Variants in AAK1 observed in about 807,000 individuals in gnomAD.
AAK1 encodes AP2-associated protein kinase 1.
Under a neutral mutation model 116.0 loss-of-function variants are expected in AAK1, and 37 were observed. The observed-to-expected ratio is 0.32, with a 90% confidence interval of 0.25 to 0.42. The LOEUF is 0.42. Among genes scored for constraint, AAK1 ranks in the 10% least tolerant of loss-of-function variants. AAK1 has a pLI of 1.00. For synonymous variants in AAK1, 458 were observed against 439.9 expected, an observed-to-expected ratio of 1.04 and a Z score of -0.51; for missense variants, 919 against 1,170.6, an observed-to-expected ratio of 0.79 and a Z score of 3.14.
intron 18 of AAK1, chr2:69,481,775 A>T (rs1306027793): frequency 6.6e-6 from 1 of 152,162 alleles, no homozygotes; most frequent in Non-Finnish European, 1.5e-5. Flanking sequence ...ATGTTTTCTC[A>T]GTTACTGATA....
Position 69,472,306 on chromosome 2 carries a change from A to C in AAK1, c.*3563T>G, listed in dbSNP as rs1674706282. 2.8e-6 allele frequency: 1 copy of C among 361,004 alleles called. No homozygotes were observed. Among genetic ancestry groups the C allele is most frequent in the South Asian group, 1.1e-4 (1 of 8,826 alleles). The allele number at this position is 361,004 out of a possible 1,614,324, so 22.4% of individuals were successfully genotyped here. ...ACTCAGAACCAAGAGTAGTAGAAAA[A>C]GTAGACAAAGAAAGAATATACTTCC... is the stretch of plus-strand genomic sequence containing the variant. On this transcript the variant is annotated 3_prime_UTR_variant, in exon 22 of 22. Coordinates refer to ENST00000409085, the MANE Select transcript of AAK1 (RefSeq NM_014911.5).
intron 2 of AAK1, among the ~76,000 whole-genome samples, chr2:69,628,579 A>T (rs1675018070): frequency 6.6e-6 from 1 of 152,198 alleles, no homozygotes; most frequent in Admixed American, 6.5e-5. Context: ...GCAGGATTTG[A>T]TGGTAGACTT....
chr2:69,585,397 C>T (rs1325225058), intron 2 of AAK1, among the ~76,000 whole-genome samples: 1 of 152,120 alleles, frequency 6.6e-6, no homozygotes, highest in Non-Finnish European at 1.5e-5. Context: ...CATGTCCCCA[C>T]ACCACCCCAA....
In AAK1 at chr2:69,515,739, T is replaced by C. The variant is rs75410455; in HGVS notation, c.1498-990A>G. On this transcript the variant is annotated intron_variant, in intron 12 of 21. Transcript: ENST00000409085. ...ATGAACTAAGGTCAACACTGTATCT[T>C]TGAACATCCCGTATACTTTACGTAG... Among the ~76,000 whole-genome samples, 1,187 of 152,270 alleles carry C rather than the reference T, an allele frequency of 7.8e-3. 15 individuals are homozygous for C. Among genetic ancestry groups the C allele is most frequent in the African/African-American group, 0.027 (1,139 of 41,538 alleles).
At chr2:69,491,635 C>A (rs1675526708) in intron 17 of AAK1, among the ~76,000 whole-genome samples, 1 of 152,128 alleles carries the variant, frequency 6.6e-6, no homozygotes, top group Admixed American at 6.5e-5. Flanking sequence ...AGAAAAATAT[C>A]ATTTTATGAT....
At chr2:69,590,311 T>A (rs1672976358) in intron 2 of AAK1, among the ~76,000 whole-genome samples, 1 of 152,246 alleles carries the variant, frequency 6.6e-6, no homozygotes. Context: ...ACAAAGCCCT[T>A]TCCGTAGCAG....
rs1226927235 is a variant in AAK1, at chr2:69,466,188, C to G, written c.*9681G>C. On this transcript the variant is annotated 3_prime_UTR_variant, in exon 22 of 22. Coordinates refer to ENST00000409085, the MANE Select transcript of AAK1 (RefSeq NM_014911.5). ...GGCTTGAAACTGGTTCTTTCTTCCA[C>G]CTTGCACTGTCTTTGCTTGCTCAGG... 2 of 1,289,774 alleles carry G rather than the reference C, an allele frequency of 1.6e-6. No homozygotes were observed. Among genetic ancestry groups the G allele is most frequent in the Admixed American group, 4.6e-5 (2 of 43,550 alleles). The allele number at this position is 1,289,774 out of a possible 1,614,324, so 79.9% of individuals were successfully genotyped here. A position where few individuals can be genotyped will look rare whatever the true frequency, so the allele number is the denominator to read the frequency against.
chr2:69,506,919 T>C (rs915912503), intron 15 of AAK1, among the ~76,000 whole-genome samples: 5 of 151,564 alleles, frequency 3.3e-5, no homozygotes, highest in African/African-American at 9.7e-5. Flanking sequence ...AAGTAGACTG[T>C]TCTTCAGGCA....
intron 1 of AAK1, 144 bp downstream of exon 1, chr2:69,643,431 C>A (rs1405301934): frequency 1.6e-5 from 19 of 1,186,182 alleles, no homozygotes; most frequent in Non-Finnish European, 1.8e-5. Context: ...GACCCCGGCC[C>A]CAGAACCCGG....
At chr2:69,503,810 C>T (rs12475178) in intron 16 of AAK1, among the ~76,000 whole-genome samples, 27,882 of 151,974 alleles carry the variant, frequency 0.18, 2,946 homozygotes, top group African/African-American at 0.27. Context: ...TGTAAGCCAC[C>T]GCACCTGTAA....
intron 20 of AAK1, chr2:69,478,371 T>C (rs1423066371): frequency 1.3e-5 from 2 of 152,414 alleles, no homozygotes; most frequent in African/African-American, 4.8e-5. Flanking sequence ...TTCTATGTTC[T>C]TGCCAGAAAG....
chr2:69,472,852 T>C lies in AAK1; in HGVS notation c.*3017A>G. 1.0e-6 allele frequency: 1 copy of C among 985,772 alleles called. No homozygotes were observed. Among genetic ancestry groups the C allele is most frequent in the Non-Finnish European group, 1.2e-6 (1 of 829,884 alleles). The allele number at this position is 985,772 out of a possible 1,614,324, so 61.1% of individuals were successfully genotyped here. On this transcript the variant is annotated 3_prime_UTR_variant, in exon 22 of 22. Transcript: ENST00000409085. ...GTGTGTGTCCACGCATGTGTTTCTG[T>C]AATACTTAAAAAGGAAAATCTCTAA...
chr2:69,542,792 A>G (rs1345462653), intron 4 of AAK1, 127 bp from the exon 5 acceptor site: 4 of 1,063,362 alleles, frequency 3.8e-6, no homozygotes. Flanking sequence ...CCACTGACTG[A>G]GCCAGGATTA....
chr2:69,507,056 C>T (rs1169504314), intron 15 of AAK1, among the ~76,000 whole-genome samples: 1 of 152,204 alleles, frequency 6.6e-6, no homozygotes, highest in East Asian at 1.9e-4. Flanking sequence ...TGGCAACTTT[C>T]TGGGACAGTA....
intron 2 of AAK1, among the ~76,000 whole-genome samples, chr2:69,557,294 CT>C (rs2105086072): frequency 6.7e-6 from 1 of 149,646 alleles, no homozygotes; most frequent in African/African-American, 2.5e-5. Flanking sequence ...AAGTACTATC[CT>C]ATGTACTTTT....
At chr2:69,611,201 C>G (rs1344681655) in intron 2 of AAK1, among the ~76,000 whole-genome samples, 1 of 152,192 alleles carries the variant, frequency 6.6e-6, no homozygotes, top group East Asian at 1.9e-4. Flanking sequence ...ATCCAACTGG[C>G]TGCCAACGCG....
At chr2:69,617,601 C>G (rs943216832) in intron 2 of AAK1, among the ~76,000 whole-genome samples, 1 of 152,198 alleles carries the variant, frequency 6.6e-6, no homozygotes. Flanking sequence ...GCTTAGAAGA[C>G]TGATAAATAA....
chr2:69,587,967 T>C (rs1672864407), intron 2 of AAK1, among the ~76,000 whole-genome samples: 1 of 152,052 alleles, frequency 6.6e-6, no homozygotes, highest in Non-Finnish European at 1.5e-5. Flanking sequence ...CTCACTATGT[T>C]GTCCAGGCTG....
intron 2 of AAK1, among the ~76,000 whole-genome samples, chr2:69,604,842 C>G (rs936026043): frequency 3.9e-5 from 6 of 152,148 alleles, no homozygotes; most frequent in Admixed American, 1.3e-4. Context: ...CTAAACATAC[C>G]CTAGCCAAAA....
Sources: allele counts gnomAD v4.1 joint callset (sites outside exome capture counted in the v4.1 genomes callset), GRCh38; gene constraint gnomAD v4.1.1; transcripts MANE v1.5; gene names NCBI Gene and HGNC (gene_info 2026-07-23, HGNC 2026-07-21).